Variants in SNTB2 observed in about 807,000 individuals in gnomAD.
SNTB2 encodes the protein syntrophin beta 2.
SNTB2 carries 34 observed loss-of-function variants against 46.2 expected under a neutral mutation model. The ratio of observed to expected loss-of-function variants is 0.74; its 90% CI spans 0.56 to 0.98. SNTB2 has a LOEUF of 0.98. Among genes scored for constraint, SNTB2 ranks in the 50% least tolerant of loss-of-function variants. The pLI, the probability that SNTB2 is intolerant of heterozygous loss-of-function variation, is 0.00. For synonymous variants in SNTB2, 290 were observed against 312.6 expected, an observed-to-expected ratio of 0.93 and a Z score of 0.76; for missense variants, 603 against 731.4, an observed-to-expected ratio of 0.82 and a Z score of 2.02.
intron 1 of SNTB2, among the ~76,000 whole-genome samples, chr16:69,221,311 T>G (rs1964401681): frequency 6.6e-6 from 1 of 152,146 alleles, no homozygotes; most frequent in African/African-American, 2.4e-5. Context: ...TAATAAATGC[T>G]TGATACATGA....
intron 1 of SNTB2, among the ~76,000 whole-genome samples, chr16:69,232,518 TTTTTTTTTTTTG>T (rs1307366534): frequency 7.5e-6 from 1 of 133,108 alleles, no homozygotes; most frequent in Non-Finnish European, 1.6e-5. Flanking sequence ...TTTTTTTTTT[TTTTTTTTTTTTG>T]GAGACGGAGT....
At chr16:69,254,414 A>G (rs1253966696) in intron 2 of SNTB2, among the ~76,000 whole-genome samples, 1 of 151,978 alleles carries the variant, frequency 6.6e-6, no homozygotes, top group East Asian at 1.9e-4. Flanking sequence ...TCCTCTCTTT[A>G]CTAGCTTCCA....
At chr16:69,289,934 G>A (rs7190822) in intron 5 of SNTB2, among the ~76,000 whole-genome samples, 41,501 of 151,980 alleles carry the variant, frequency 0.27, 6,261 homozygotes, top group African/African-American at 0.39. Flanking sequence ...AAGAAAAAAG[G>A]AAATTGTTGG....
intron 2 of SNTB2, among the ~76,000 whole-genome samples, chr16:69,248,820 G>GA (rs995637426): frequency 1.4e-5 from 2 of 142,442 alleles, no homozygotes; most frequent in Admixed American, 1.4e-4. Context: ...GAGACAGAGA[G>GA]AAAAAAAGAG....
intron 1 of SNTB2, among the ~76,000 whole-genome samples, chr16:69,228,587 C>T (rs372771830): frequency 2.7e-5 from 4 of 148,942 alleles, no homozygotes; most frequent in Admixed American, 6.7e-5. Context: ...AAAATCACAA[C>T]GTTTGTAATT....
intron 1 of SNTB2, among the ~76,000 whole-genome samples, chr16:69,229,635 T>C (rs1428408562): frequency 2.0e-5 from 3 of 150,594 alleles, no homozygotes; most frequent in African/African-American, 7.3e-5. Context: ...GTCAAGAGAT[T>C]GAGACCATCC....
At chr16:69,262,987 A>G (rs1188231021) in intron 3 of SNTB2, among the ~76,000 whole-genome samples, 1 of 152,038 alleles carries the variant, frequency 6.6e-6, no homozygotes, top group African/African-American at 2.4e-5. Flanking sequence ...TCACCATACT[A>G]TGCAAAAGAT....
intron 1 of SNTB2, chr16:69,235,665 C>A: frequency 3.3e-6 from 4 of 1,223,232 alleles, no homozygotes; most frequent in East Asian, 6.1e-5. Flanking sequence ...AACAAAAAAC[C>A]CTGGCACCAA....
chr16:69,223,697 C>G (rs1366236127), intron 1 of SNTB2, among the ~76,000 whole-genome samples: 1 of 151,340 alleles, frequency 6.6e-6, no homozygotes, highest in Non-Finnish European at 1.5e-5. Context: ...GGCCCAATCT[C>G]GGCTCACTGC....
At chr16:69,236,335 G>A (rs1318763695) in intron 1 of SNTB2, among the ~76,000 whole-genome samples, 1 of 152,128 alleles carries the variant, frequency 6.6e-6, no homozygotes. Flanking sequence ...GTAACCTTGT[G>A]TAAAGGCATG....
At chr16:69,187,773 G>GTGGGC in intron 1 of SNTB2, 27 bp downstream of exon 1, 1 of 331,856 alleles carries the variant, frequency 3.0e-6, no homozygotes, top group Non-Finnish European at 5.5e-6. Flanking sequence ...GGGAGGGTGG[G>GTGGGC]CAGGCCGCGG....
At position 69,303,666 on chromosome 16, in the gene SNTB2, C is replaced by A. The variant is rs1965293679; in HGVS notation, c.*2742C>A. On this transcript the variant is annotated 3_prime_UTR_variant, in exon 7 of 7. Transcript: ENST00000336278. ...TGCTTTTCTTACATACCTAACAGCT[C>A]TCCAGTCATGATGACCAAGGTTGTT... 6.6e-6 allele frequency: 1 copy of A among 152,584 alleles called. No homozygotes were observed. The highest frequency in any genetic ancestry group is 2.1e-4 in the South Asian group (1 of 4,828). The allele number at this position is 152,584 out of a possible 1,614,324, so 9.5% of individuals were successfully genotyped here. A position where few individuals can be genotyped will look rare whatever the true frequency, so the allele number is the denominator to read the frequency against.
At chr16:69,188,859 A>G (rs1252295914) in intron 1 of SNTB2, among the ~76,000 whole-genome samples, 1 of 152,226 alleles carries the variant, frequency 6.6e-6, no homozygotes, top group East Asian at 1.9e-4. Context: ...ATGCAAAGTT[A>G]GAAAATAGTT....
In SNTB2 at chr16:69,302,421, A is replaced by G. The variant is rs1965283126; in HGVS notation, c.*1497A>G. 1 of 152,220 alleles carries G rather than the reference A, an allele frequency of 6.6e-6. No individual in the cohort carries two copies. The highest frequency in any genetic ancestry group is 2.4e-5 in the African/African-American group (1 of 41,438). The allele number at this position is 152,220 out of a possible 1,614,324, so 9.4% of individuals were successfully genotyped here. A position where few individuals can be genotyped will look rare whatever the true frequency, so the allele number is the denominator to read the frequency against. On this transcript the variant is annotated 3_prime_UTR_variant, in exon 7 of 7. Coordinates refer to ENST00000336278, the MANE Select transcript of SNTB2 (RefSeq NM_006750.4). ...ATGCTCTCTGAAGAAAGGTCTAGGGAAAGTTCTTGTTTGCTTGATTGATCA... is the reference window on the plus strand; with the variant it reads ...ATGCTCTCTGAAGAAAGGTCTAGGGGAAGTTCTTGTTTGCTTGATTGATCA...
chr16:69,212,762 G>A (rs1238990591), intron 1 of SNTB2, among the ~76,000 whole-genome samples: 1 of 152,168 alleles, frequency 6.6e-6, no homozygotes, highest in Non-Finnish European at 1.5e-5. Context: ...AGCCTCCTGA[G>A]TAGCTGGGAT....
At chr16:69,288,758 A>G (rs1306472799) in intron 5 of SNTB2, among the ~76,000 whole-genome samples, 2 of 152,242 alleles carry the variant, frequency 1.3e-5, no homozygotes, top group African/African-American at 2.4e-5. Context: ...TTGCTGCACT[A>G]TTCACAATAA....
At chr16:69,190,023 T>G (rs1008946736) in intron 1 of SNTB2, among the ~76,000 whole-genome samples, 1 of 152,218 alleles carries the variant, frequency 6.6e-6, no homozygotes, top group African/African-American at 2.4e-5. Flanking sequence ...TTTACGACAT[T>G]GCATTTTCAA....
intron 1 of SNTB2, among the ~76,000 whole-genome samples, chr16:69,214,441 C>A (rs1964326487): frequency 6.6e-6 from 1 of 151,842 alleles, no homozygotes; most frequent in African/African-American, 2.4e-5. Context: ...ACCCACTGCA[C>A]CTGGTCTTAT....
intron 1 of SNTB2, among the ~76,000 whole-genome samples, chr16:69,232,094 G>A (rs886378770): frequency 2.6e-5 from 4 of 151,678 alleles, no homozygotes; most frequent in African/African-American, 7.3e-5. Flanking sequence ...TAATACTTTT[G>A]TATAAAAGTA....
Sources: allele counts gnomAD v4.1 joint callset (sites outside exome capture counted in the v4.1 genomes callset), GRCh38; gene constraint gnomAD v4.1.1; transcripts MANE v1.5; gene names NCBI Gene and HGNC (gene_info 2026-07-23, HGNC 2026-07-21).